PRDX2: variants seen among roughly 807,000 people sequenced by gnomAD.
PRDX2 encodes the protein peroxiredoxin 2.
In PRDX2, 10 loss-of-function variants were observed where a neutral mutation model predicts 19.8. That is an observed-to-expected ratio of 0.50 (90% CI 0.31 to 0.86). PRDX2 has a LOEUF of 0.86. Ranked by LOEUF, PRDX2 falls within the 40% of genes least tolerant of loss-of-function variation. PRDX2 has a pLI of 0.04. For missense variants in PRDX2, 226 were observed against 260.1 expected, an observed-to-expected ratio of 0.87 and a Z score of 0.90; for synonymous variants, 118 against 108.2, an observed-to-expected ratio of 1.09 and a Z score of -0.56.
intron 3 of PRDX2, 135 bp from the exon 4 acceptor site, chr19:12,800,434 ACCCC>A: frequency 1.0e-5 from 12 of 1,195,714 alleles, no homozygotes; most frequent in Non-Finnish European, 1.4e-5. Flanking sequence ...AGCCTCACCC[ACCCC>A]ACCCTGGGTT....
chr19:12,799,579 C>T, intron 5 of PRDX2: 2 of 275,858 alleles, frequency 7.3e-6, no homozygotes, highest in Non-Finnish European at 7.1e-6. Context: ...AGGCTGGTCT[C>T]GAACTCCTGA....
chr19:12,800,312 G>T lies in PRDX2; in HGVS notation c.258-13C>A. 6.2e-7 allele frequency: 1 copy of T among 1,608,768 alleles called. No individual in the cohort carries two copies. Among genetic ancestry groups the T allele is most frequent in the South Asian group, 1.1e-5 (1 of 90,420 alleles). The stretch of plus-strand genomic sequence containing the variant: ...GGGGGTGTTGATCCTGGGAGTAGGG[G>T]AGACAGAGTTGGGGCCTCAGGATGC... On this transcript the variant is annotated splice_polypyrimidine_tract_variant and intron_variant, in intron 3 of 5. Transcript: ENST00000301522.
intron 5 of PRDX2, 107 bp from the exon 6 acceptor site, chr19:12,797,273 G>T: frequency 3.4e-6 from 3 of 883,182 alleles, no homozygotes; most frequent in Non-Finnish European, 5.5e-6. Context: ...AAGTGGTCCA[G>T]GCCCAGGAAT....
chr19:12,800,032 C>T, intron 4 of PRDX2, 43 bp from the exon 5 acceptor site: 1 of 1,608,082 alleles, frequency 6.2e-7, no homozygotes, highest in Non-Finnish European at 8.5e-7. Flanking sequence ...ATAGCTCCCA[C>T]TGCCAGAGAC....
At chr19:12,797,991 T>C (rs1403462647) in intron 5 of PRDX2, among the ~76,000 whole-genome samples, 1 of 152,104 alleles carries the variant, frequency 6.6e-6, no homozygotes, top group African/African-American at 2.4e-5. Flanking sequence ...GTGTTTTTCC[T>C]ACTCTTAATT....
chr19:12,798,914 G>GT (rs1968840957), intron 5 of PRDX2, among the ~76,000 whole-genome samples: 1 of 151,142 alleles, frequency 6.6e-6, no homozygotes, highest in African/African-American at 2.4e-5. Flanking sequence ...TGTTGTTGTT[G>GT]TTTTTGAGAT....
chr19:12,800,379 A>G, intron 3 of PRDX2, 80 bp from the exon 4 acceptor site: 2 of 1,521,680 alleles, frequency 1.3e-6, no homozygotes. Context: ...CAATGTGATA[A>G]GCACTGGAGG....
chr19:12,797,270 C>G, intron 5 of PRDX2, 104 bp from the exon 6 acceptor site: 1 of 897,410 alleles, frequency 1.1e-6, no homozygotes, highest in Non-Finnish European at 1.8e-6. Flanking sequence ...AGCAAGTGGT[C>G]CAGGCCCAGG....
chr19:12,798,845 G>C (rs1968839434), intron 5 of PRDX2, among the ~76,000 whole-genome samples: 1 of 151,988 alleles, frequency 6.6e-6, no homozygotes, highest in Non-Finnish European at 1.5e-5. Context: ...GCATCTTCCT[G>C]TCTTTTTGGC....
At chr19:12,799,363 A>T (rs552765981) in intron 5 of PRDX2, among the ~76,000 whole-genome samples, 1 of 144,002 alleles carries the variant, frequency 6.9e-6, no homozygotes, top group African/African-American at 2.5e-5. Context: ...AACCAAGCTA[A>T]TTTTTTTTTT....
chr19:12,801,609 G>A (rs1420433160), intron 1 of PRDX2, 131 bp downstream of exon 1: 2 of 404,536 alleles, frequency 4.9e-6, no homozygotes, highest in African/African-American at 2.0e-5. Context: ...CTGTGGCCTC[G>A]GTTTCCCCCG....
rs1366316062 is a variant in PRDX2, at chr19:12,797,054, G to A, written c.*27C>T. 17 of 1,610,962 alleles carry A rather than the reference G, an allele frequency of 1.1e-5. No individual in the cohort carries two copies. The highest frequency in any genetic ancestry group is 2.2e-5 in the East Asian group (1 of 44,884). ...ACCCAGCACAGGCACCTAGGCAGGG[G>A]CACAAGCTCACTATCCGTTAGCCAG... On this transcript the variant is annotated 3_prime_UTR_variant, in exon 6 of 6. Transcript: ENST00000301522.
In PRDX2 at chr19:12,800,293, G is replaced by GTTGA; in HGVS notation, c.260_263dup (p.Thr89GlnfsTer19). 1 of 1,612,160 alleles carries GTTGA rather than the reference G, an allele frequency of 6.2e-7. No homozygotes were observed. Among genetic ancestry groups the GTTGA allele is most frequent in the Non-Finnish European group, 8.5e-7 (1 of 1,179,310 alleles). On this transcript the variant is annotated frameshift_variant, in exon 4 of 6. Coordinates refer to ENST00000301522, the MANE Select transcript of PRDX2 (RefSeq NM_005809.6). LOFTEE classifies it high-confidence loss of function. Reference sequence around the variant, plus strand: ...CCAAGCCTCCCTCTTTCCGGGGGGTGTTGATCCTGGGAGTAGGGGAGACAG... The same window carrying GTTGA: ...CCAAGCCTCCCTCTTTCCGGGGGGTGTTGATTGATCCTGGGAGTAGGGGAGACAG...
rs1466321631 is a variant in PRDX2 at position 12,797,032 on chromosome 19, C to T, written c.*49G>A. 5 of 1,598,130 alleles carry T rather than the reference C, an allele frequency of 3.1e-6. No individual in the cohort carries two copies. Among genetic ancestry groups the T allele is most frequent in the African/African-American group, 1.3e-5 (1 of 74,612 alleles). ...CCAGGTGGGGGCACAGGTGGACACC[C>T]AGCACAGGCACCTAGGCAGGGGCAC... On this transcript the variant is annotated 3_prime_UTR_variant, in exon 6 of 6. Coordinates refer to ENST00000301522, the MANE Select transcript of PRDX2 (RefSeq NM_005809.6).
chr19:12,800,442 C>T, intron 3 of PRDX2, 143 bp from the exon 4 acceptor site: 2 of 1,111,512 alleles, frequency 1.8e-6, no homozygotes, highest in Non-Finnish European at 2.6e-6. Flanking sequence ...CCACCCCACC[C>T]TGGGTTGGGT....
intron 3 of PRDX2, 34 bp from the exon 4 acceptor site, chr19:12,800,333 G>T: frequency 1.9e-6 from 3 of 1,599,878 alleles, no homozygotes; most frequent in Non-Finnish European, 2.6e-6. Context: ...GGGGCCTCAG[G>T]ATGCCTGGCA....
Position 12,799,857 on chromosome 19 carries a change from A to G in PRDX2, c.511+2T>C. 1 of 1,611,636 alleles carries G rather than the reference A, an allele frequency of 6.2e-7. No individual in the cohort carries two copies. Among genetic ancestry groups the G allele is most frequent in the Non-Finnish European group, 8.5e-7 (1 of 1,179,632 alleles). The stretch of plus-strand genomic sequence containing the variant: ...CCATGTGTCATGTGTGTATCTGCTC[A>G]CCTTCCCCATGCTCGTCTGTGTACT... On this transcript the variant is annotated splice_donor_variant, in intron 5 of 5. Transcript: ENST00000301522. LOFTEE classifies it high-confidence loss of function.
chr19:12,797,558 G>A (rs1040909247), intron 5 of PRDX2, among the ~76,000 whole-genome samples: 4 of 151,618 alleles, frequency 2.6e-5, no homozygotes, highest in South Asian at 4.2e-4. Flanking sequence ...TCATCTGCCC[G>A]TCTTGGCCTC....
In PRDX2 at chr19:12,800,078, A is replaced by G. The variant is rs985648155; in HGVS notation, c.381-89T>C. The G allele has an allele frequency of 3.6e-5, 57 of 1,597,826 alleles. No homozygotes were observed. In the African/African-American group the frequency reaches 5.4e-4, roughly 15 times the overall value. ...CTACCAACCACCCGCTGCTAGCCAC[A>G]GGGCTGGGGGCAGAGAAGACATTGT... On this transcript the variant is annotated intron_variant, in intron 4 of 5. Transcript: ENST00000301522.
Sources: allele counts gnomAD v4.1 joint callset (sites outside exome capture counted in the v4.1 genomes callset), GRCh38; gene constraint gnomAD v4.1.1; transcripts MANE v1.5; gene names NCBI Gene and HGNC (gene_info 2026-07-23, HGNC 2026-07-21).